SORCS3: variants seen among roughly 807,000 people sequenced by gnomAD.
SORCS3 encodes VPS10 domain-containing receptor SorCS3.
A neutral mutation model predicts 146.3 loss-of-function variants in SORCS3; 57 were observed. That is an observed-to-expected ratio of 0.39 (90% CI 0.31 to 0.49). SORCS3 has a LOEUF of 0.49. Among genes scored for constraint, SORCS3 ranks in the 20% least tolerant of loss-of-function variants. The pLI is 0.92. For missense variants in SORCS3, 1,341 were observed against 1,575.5 expected (o/e 0.85, Z 2.52); for synonymous variants, 653 against 618.5 (o/e 1.06, Z -0.83).
intron 1 of SORCS3, among the ~76,000 whole-genome samples, chr10:104,735,603 G>A (rs964560346): frequency 6.6e-6 from 1 of 151,770 alleles, no homozygotes; most frequent in African/African-American, 2.4e-5. Context: ...CAGAGCCCTT[G>A]GCTCCCTTCC....
At chr10:104,750,454 G>C (rs1450618348) in intron 1 of SORCS3, among the ~76,000 whole-genome samples, 1 of 152,162 alleles carries the variant, frequency 6.6e-6, no homozygotes, top group East Asian at 1.9e-4. Context: ...GTGGTTGAAA[G>C]TTAACCTGAA....
chr10:105,220,845 A>C (rs1372439427), intron 19 of SORCS3, among the ~76,000 whole-genome samples: 1 of 150,982 alleles, frequency 6.6e-6, no homozygotes, highest in African/African-American at 2.4e-5. Context: ...TTATTTTCCC[A>C]CATCTAGTGC....
At chr10:105,123,122 T>C (rs776628874) in intron 7 of SORCS3, among the ~76,000 whole-genome samples, 3 of 152,238 alleles carry the variant, frequency 2.0e-5, no homozygotes, top group South Asian at 2.1e-4. Context: ...ATAAAATAGA[T>C]ACAGTTAGAA....
chr10:104,704,954 T>C (rs2016319046), intron 1 of SORCS3, among the ~76,000 whole-genome samples: 1 of 152,112 alleles, frequency 6.6e-6, no homozygotes, highest in South Asian at 2.1e-4. Context: ...GGTTTTCTTC[T>C]CTCCTCCTCC....
At chr10:105,213,314 A>G (rs1179965216) in intron 17 of SORCS3, among the ~76,000 whole-genome samples, 1 of 152,240 alleles carries the variant, frequency 6.6e-6, no homozygotes, top group Admixed American at 6.5e-5. Context: ...AATGTCAGGT[A>G]TGATGGAAGA....
chr10:104,682,772 G>A (rs1043167822), intron 1 of SORCS3, among the ~76,000 whole-genome samples: 10 of 152,216 alleles, frequency 6.6e-5, no homozygotes, highest in African/African-American at 1.4e-4. Flanking sequence ...TGACACCTGC[G>A]TTAGGAAACT....
chr10:104,940,961 G>A (rs1364734638), intron 3 of SORCS3, among the ~76,000 whole-genome samples: 1 of 152,132 alleles, frequency 6.6e-6, no homozygotes, highest in Non-Finnish European at 1.5e-5. Flanking sequence ...AAAAGCTGGA[G>A]GCATCATGCT....
chr10:104,895,703 C>A (rs2018791221), intron 2 of SORCS3, among the ~76,000 whole-genome samples: 1 of 152,194 alleles, frequency 6.6e-6, no homozygotes, highest in African/African-American at 2.4e-5. Flanking sequence ...GGAAAGGGCT[C>A]CCTCTGCTCC....
intron 14 of SORCS3, among the ~76,000 whole-genome samples, chr10:105,189,741 T>C (rs1271889242): frequency 1.3e-5 from 2 of 152,164 alleles, no homozygotes; most frequent in East Asian, 3.9e-4. Flanking sequence ...TGAGCAGGCC[T>C]TAGTTTCCCC....
chr10:105,247,731 G>C (rs2119738821), intron 22 of SORCS3, among the ~76,000 whole-genome samples: 1 of 141,858 alleles, frequency 7.0e-6, no homozygotes, highest in East Asian at 2.1e-4. Context: ...CTGAGTGACA[G>C]AGCAAGATTC....
intron 1 of SORCS3, among the ~76,000 whole-genome samples, chr10:104,779,903 C>T (rs192603496): frequency 1.3e-5 from 2 of 152,218 alleles, no homozygotes; most frequent in Admixed American, 1.3e-4. Context: ...TGCTGAGTAA[C>T]GTGGTTATTA....
chr10:104,794,586 AGG>A (rs1382662916), intron 1 of SORCS3, among the ~76,000 whole-genome samples: 10 of 145,160 alleles, frequency 6.9e-5, no homozygotes, highest in Admixed American at 4.9e-4. Context: ...CAAGGTAGAT[AGG>A]GTGTGTGTGT....
chr10:105,147,511 C>T, intron 8 of SORCS3, 106 bp from the exon 9 acceptor site: 1 of 963,860 alleles, frequency 1.0e-6, no homozygotes, highest in Non-Finnish European at 1.5e-6. Context: ...GCCTATAACT[C>T]AAGCTTTTTC....
In SORCS3 at chr10:105,245,669, A is replaced by G; in HGVS notation, c.2992+4A>G. The G allele has an allele frequency of 6.2e-7, 1 of 1,613,898 alleles. No homozygotes were observed. The highest frequency in any genetic ancestry group is 1.7e-4 in the Middle Eastern group (1 of 6,058). On this transcript the variant is annotated splice_donor_region_variant and intron_variant, in intron 21 of 26. Transcript: ENST00000369701. Reference sequence around the variant, plus strand: ...ACAAAAGAGATTGCAGTTCATGGTAAGCCCTGAAAATTGTTCTGTGATGCT... The same window carrying G: ...ACAAAAGAGATTGCAGTTCATGGTAGGCCCTGAAAATTGTTCTGTGATGCT...
chr10:104,737,485 A>G (rs1000859420), intron 1 of SORCS3, among the ~76,000 whole-genome samples: 6 of 152,106 alleles, frequency 3.9e-5, no homozygotes, highest in Non-Finnish European at 8.8e-5. Flanking sequence ...CTGGTGTGAG[A>G]TGGTATCTCA....
At chr10:104,646,404 A>G (rs888569541) in intron 1 of SORCS3, among the ~76,000 whole-genome samples, 2 of 152,226 alleles carry the variant, frequency 1.3e-5, no homozygotes, top group Non-Finnish European at 2.9e-5. Flanking sequence ...CTTCAGTGGC[A>G]GGAAGGCTCA....
chr10:105,052,058 A>G (rs113498625), intron 5 of SORCS3, among the ~76,000 whole-genome samples: 7,091 of 152,194 alleles, frequency 0.047, 519 homozygotes, highest in African/African-American at 0.16. Flanking sequence ...ACTGAGCAAG[A>G]CAGAATGGTC....
intron 2 of SORCS3, among the ~76,000 whole-genome samples, chr10:104,897,438 A>G (rs898553897): frequency 4.6e-5 from 7 of 152,228 alleles, no homozygotes; most frequent in Non-Finnish European, 8.8e-5. Flanking sequence ...CTTGCATCAC[A>G]GTATATACAG....
chr10:104,646,132 G>A (rs1341990660), intron 1 of SORCS3, among the ~76,000 whole-genome samples: 1 of 152,192 alleles, frequency 6.6e-6, no homozygotes, highest in Non-Finnish European at 1.5e-5. Context: ...TGGTCTGAGG[G>A]GCCGTAGGGA....
Sources: gnomAD v4.1 joint callset for allele counts (sites outside exome capture counted in the v4.1 genomes callset) on GRCh38, gnomAD v4.1.1 for gene constraint, MANE v1.5 for transcripts, NCBI Gene and HGNC (gene_info 2026-07-23, HGNC 2026-07-21) for gene names.